ZFYVE9: variants seen among roughly 807,000 people sequenced by gnomAD.
ZFYVE9 encodes zinc finger FYVE domain-containing protein 9.
A neutral mutation model predicts 126.7 loss-of-function variants in ZFYVE9; 43 were observed. The ratio of observed to expected loss-of-function variants is 0.34; its 90% CI spans 0.27 to 0.44. The LOEUF (loss-of-function observed/expected upper bound fraction) is 0.44. Among genes scored for constraint, ZFYVE9 ranks in the 20% least tolerant of loss-of-function variants. The pLI is 1.00. For missense variants in ZFYVE9, 1,476 were observed against 1,697.0 expected (o/e 0.87, Z 2.29); for synonymous variants, 521 against 597.4 (o/e 0.87, Z 1.87).
In ZFYVE9 at chr1:52,225,965, G is replaced by T. The variant is rs538328422; in HGVS notation, c.-36-7206G>T. Among the ~76,000 whole-genome samples, 6 of 152,272 alleles carry T rather than the reference G, an allele frequency of 3.9e-5. No individual in the cohort carries two copies. In the East Asian group the frequency reaches 9.7e-4, roughly 24 times the overall value. On this transcript the variant is annotated intron_variant, in intron 2 of 18. Coordinates refer to ENST00000287727, the MANE Select transcript of ZFYVE9 (RefSeq NM_004799.4). ...AGAAAAACAGCTCTCTCTATTGAGA[G>T]AGACGGGTCTTCCGAGGGAAAAGAC...
intron 4 of ZFYVE9, among the ~76,000 whole-genome samples, chr1:52,255,906 TTCTTTTC>T (rs1645504169): frequency 2.3e-5 from 1 of 43,008 alleles, no homozygotes; most frequent in Admixed American, 2.0e-4. Flanking sequence ...CTTTTTTCTT[TTCTTTTC>T]TTTTCTTTTC....
At chr1:52,213,061 G>T (rs1354048988) in intron 1 of ZFYVE9, among the ~76,000 whole-genome samples, 1 of 152,138 alleles carries the variant, frequency 6.6e-6, no homozygotes, top group African/African-American at 2.4e-5. Context: ...ATTCTGTAAT[G>T]TCAAAAGGCA....
chr1:52,270,687 G>T (rs1645683544), intron 7 of ZFYVE9, among the ~76,000 whole-genome samples: 1 of 151,622 alleles, frequency 6.6e-6, no homozygotes. Context: ...TATTTCTTTG[G>T]TTTGCTTTAA....
intron 4 of ZFYVE9, among the ~76,000 whole-genome samples, chr1:52,251,519 G>T (rs1645446479): frequency 6.6e-6 from 1 of 152,054 alleles, no homozygotes; most frequent in South Asian, 2.1e-4. Context: ...ATTTTCATAA[G>T]TTGAATTATC....
chr1:52,265,766 A>G (rs1645627764), intron 5 of ZFYVE9, among the ~76,000 whole-genome samples: 1 of 152,194 alleles, frequency 6.6e-6, no homozygotes, highest in African/African-American at 2.4e-5. Context: ...AAAGATTGAG[A>G]TGTGTCCTCC....
intron 13 of ZFYVE9, among the ~76,000 whole-genome samples, chr1:52,318,662 G>C (rs111769874): frequency 6.6e-6 from 1 of 152,122 alleles, no homozygotes; most frequent in African/African-American, 2.4e-5. Context: ...TAACATGGCT[G>C]TCTATGTAGC....
chr1:52,268,606 G>T lies in ZFYVE9; in HGVS notation c.2599G>T (p.Val867Leu). Residue 867 changes from valine (V) to leucine (L), a missense_variant, in exon 7 of 19, where the codon GTA (valine) becomes TTA (leucine). Transcript: ENST00000287727. ...TGTGTCACACGACCCAGTCAAGCCA[G>T]TAACTACCAGTCCTCTACCAGCAGA... is the stretch of plus-strand genomic sequence containing the variant. ...LAVSHDPVKPVTTSPLPAETD... is the reference protein window; with the variant it reads ...LAVSHDPVKPLTTSPLPAETD... 6.2e-7 allele frequency: 1 copy of T among 1,614,140 alleles called. No individual in the cohort carries two copies. Among genetic ancestry groups the T allele is most frequent in the Non-Finnish European group, 8.5e-7 (1 of 1,180,008 alleles).
intron 1 of ZFYVE9, among the ~76,000 whole-genome samples, chr1:52,200,026 GT>G (rs35432772): frequency 8.3e-4 from 121 of 145,640 alleles, no homozygotes; most frequent in African/African-American, 2.8e-3. Context: ...TTTTGATCCA[GT>G]TTTTTTTTTT....
rs1553130226 is a variant in ZFYVE9, at chr1:52,263,765, C to CA, written c.2179-8_2179-7insA. The stretch of plus-strand genomic sequence containing the variant: ...TTTTGTGTGTTCTTCCCCCCCCCCC[C>CA]CCCACAGGTTTTCTGTGCTTCCTGC... On this transcript the variant is annotated splice_polypyrimidine_tract_variant and splice_region_variant and intron_variant, in intron 4 of 18. Transcript: ENST00000287727. 1 of 1,157,398 alleles carries CA rather than the reference C, an allele frequency of 8.6e-7. No homozygotes were observed. Among genetic ancestry groups the CA allele is most frequent in the Non-Finnish European group, 1.2e-6 (1 of 828,620 alleles). The allele number at this position is 1,157,398 out of a possible 1,614,324, so 71.7% of individuals were successfully genotyped here. A position where few individuals can be genotyped will look rare whatever the true frequency, so the allele number is the denominator to read the frequency against.
intron 1 of ZFYVE9, chr1:52,162,985 C>T: frequency 7.6e-6 from 3 of 394,688 alleles, no homozygotes; most frequent in Non-Finnish European, 1.4e-5. Flanking sequence ...AGAGTGAAGA[C>T]TCATTTACTT....
chr1:52,255,513 A>G (rs1029100664), intron 4 of ZFYVE9, among the ~76,000 whole-genome samples: 1 of 148,258 alleles, frequency 6.7e-6, no homozygotes, highest in Admixed American at 6.9e-5. Flanking sequence ...TGAACCTGGG[A>G]GGCGGCGGTT....
chr1:52,185,113 C>T (rs1453180534), intron 1 of ZFYVE9, among the ~76,000 whole-genome samples: 1 of 152,180 alleles, frequency 6.6e-6, no homozygotes, highest in Non-Finnish European at 1.5e-5. Flanking sequence ...AGTACTATCT[C>T]CCCACTTGCT....
intron 1 of ZFYVE9, among the ~76,000 whole-genome samples, chr1:52,181,765 C>G (rs1644707259): frequency 6.6e-6 from 1 of 151,980 alleles, no homozygotes; most frequent in African/African-American, 2.4e-5. Flanking sequence ...AGCGCCTCTG[C>G]CTGGCTGCGA....
At chr1:52,217,493 AAGGTGCGAG>A (rs1645082786) in intron 2 of ZFYVE9, among the ~76,000 whole-genome samples, 1 of 152,208 alleles carries the variant, frequency 6.6e-6, no homozygotes, top group Non-Finnish European at 1.5e-5. Flanking sequence ...CTTGATTATC[AAGGTGCGAG>A]AGCTTATCTG....
chr1:52,236,295 G>C (rs1293789805), intron 3 of ZFYVE9, among the ~76,000 whole-genome samples: 1 of 152,122 alleles, frequency 6.6e-6, no homozygotes, highest in Non-Finnish European at 1.5e-5. Flanking sequence ...TATATTGATA[G>C]AAATGATTTC....
At chr1:52,224,065 A>G (rs1028478298) in intron 2 of ZFYVE9, among the ~76,000 whole-genome samples, 3 of 152,222 alleles carry the variant, frequency 2.0e-5, no homozygotes, top group African/African-American at 7.2e-5. Context: ...TTAAGGGGGC[A>G]TTTACAAAGC....
intron 1 of ZFYVE9, among the ~76,000 whole-genome samples, chr1:52,186,182 G>C (rs1033001657): frequency 6.6e-6 from 1 of 150,936 alleles, no homozygotes; most frequent in South Asian, 2.1e-4. Flanking sequence ...GGAGGTTTCA[G>C]TGAGCCAAGA....
At chr1:52,264,028 G>C in intron 5 of ZFYVE9, 156 bp downstream of exon 5, 1 of 435,632 alleles carries the variant, frequency 2.3e-6, no homozygotes, top group Non-Finnish European at 4.1e-6. Context: ...TCCATGTTTT[G>C]AAAGTATCTT....
At chr1:52,330,034 TAA>T (rs1646326331) in intron 13 of ZFYVE9, among the ~76,000 whole-genome samples, 4 of 151,554 alleles carry the variant, frequency 2.6e-5, no homozygotes, top group Admixed American at 2.6e-4. Context: ...TAACATAACA[TAA>T]CATAACATAA....
Sources: gnomAD v4.1 joint callset for allele counts (sites outside exome capture counted in the v4.1 genomes callset) on GRCh38, gnomAD v4.1.1 for gene constraint, MANE v1.5 for transcripts, NCBI Gene and HGNC (gene_info 2026-07-23, HGNC 2026-07-21) for gene names.